The following RGS14 variants were observed in gnomAD, a reference collection of about 807,000 sequenced individuals.
The protein encoded by RGS14 is regulator of G protein signaling 14.
Under a neutral mutation model 63.8 loss-of-function variants are expected in RGS14, and 33 were observed. That is an observed-to-expected ratio of 0.52 (90% confidence interval 0.39 to 0.69). The LOEUF is 0.69. RGS14 is among the 30% of genes least tolerant of loss of function. RGS14 has a pLI of 0.00. For synonymous variants in RGS14, 296 were observed against 320.9 expected (o/e 0.92, Z 0.83); for missense variants, 739 against 742.9 (o/e 0.99, Z 0.06).
Position 177,364,413 on chromosome 5 carries a change from GCTTCCATTTGGGA to G in RGS14, c.46-1536_46-1524del, listed in dbSNP as rs1323907898. 5.9e-5 allele frequency among the ~76,000 whole-genome samples: 9 copies of G among 152,168 alleles called. No individual in the cohort carries two copies. The highest frequency in any genetic ancestry group is 2.2e-4 in the African/African-American group (9 of 41,430). On this transcript the variant is annotated intron_variant, in intron 1 of 14. Coordinates refer to ENST00000408923, the MANE Select transcript of RGS14 (RefSeq NM_006480.5). The surrounding 1 kb of genome is among the most constrained non-coding windows in gnomAD (Gnocchi z 4.6). ...CTGTGTTTTGGTGGAGGCAGAGGGA[GCTTCCATTTGGGA>G]CTTCCATTTGGGAGCTTGAGGGCTT...
chr5:177,363,816 C>T (rs1762030109), intron 1 of RGS14, among the ~76,000 whole-genome samples: 1 of 152,148 alleles, frequency 6.6e-6, no homozygotes, highest in Non-Finnish European at 1.5e-5. Context: ...GAGCCTGCCT[C>T]CCACTGCCTC....
intron 7 of RGS14, 87 bp from the exon 8 acceptor site, chr5:177,368,070 A>C (rs555180386): frequency 6.5e-7 from 1 of 1,545,538 alleles, no homozygotes; most frequent in South Asian, 1.2e-5. Flanking sequence ...GATGGCTCCA[A>C]ACAAGGCCCA....
In RGS14 at chr5:177,358,708, C is replaced by T. The variant is rs577947864; in HGVS notation, c.45+639C>T. Among the ~76,000 whole-genome samples, 208 of 152,350 alleles carry T rather than the reference C, an allele frequency of 1.4e-3. 2 individuals are homozygous for T. Among genetic ancestry groups the T allele is most frequent in the African/African-American group, 4.8e-3 (200 of 41,578 alleles). On this transcript the variant is annotated intron_variant, in intron 1 of 14. Coordinates refer to ENST00000408923, the MANE Select transcript of RGS14 (RefSeq NM_006480.5). The surrounding 1 kb of genome is among the most constrained non-coding windows in gnomAD (Gnocchi z 4.8). ...CTTAACCCTCTCCCTGGCTGCTTAG[C>T]CCCAGATCAGAGCTGCCCTCAGAGG...
At chr5:177,368,659 C>T in intron 8 of RGS14, 58 bp from the exon 9 acceptor site, 2 of 1,549,932 alleles carry the variant, frequency 1.3e-6, no homozygotes, top group Non-Finnish European at 1.8e-6. Flanking sequence ...CTCTGTGTAC[C>T]TGTGTGCATG....
intron 3 of RGS14, 149 bp from the exon 4 acceptor site, chr5:177,366,559 G>C: frequency 1.2e-6 from 1 of 835,178 alleles, no homozygotes; most frequent in Non-Finnish European, 1.9e-6. Flanking sequence ...CCTGTCTTCA[G>C]ATCGGTCTGG....
chr5:177,367,481 T>C lies in RGS14; in HGVS notation c.551T>C (p.Leu184Pro). 6.2e-7 allele frequency: 1 copy of C among 1,612,842 alleles called. No individual in the cohort carries two copies. ...FVKSPLYREC[L>P]LAEAEGRPLR... ...AAGTCCCCGCTGTACCGCGAGTGCC[T>C]GCTAGCCGAAGCCGAGGGACGCCCT... Residue 184 changes from leucine (L) to proline (P), a missense_variant, in exon 6 of 15, where the codon CTG (leucine) becomes CCG (proline). By Grantham distance (98) the Leu-to-Pro change is moderately conservative. Coordinates refer to ENST00000408923, the MANE Select transcript of RGS14 (RefSeq NM_006480.5).
chr5:177,366,357 T>C lies in RGS14; in HGVS notation c.246+2T>C, dbSNP rs1762092886. The C allele has an allele frequency of 1.9e-6, 3 of 1,541,422 alleles. No individual in the cohort carries two copies. The highest frequency in any genetic ancestry group is 1.4e-5 in the African/African-American group (1 of 72,824). ...CCGCTGGGCCTGGCTTACTTCACTG[T>C]AAGCCTGGGGTAGGGAAAGGGAAGG... On this transcript the variant is annotated splice_donor_variant, in intron 3 of 14. Transcript: ENST00000408923. LOFTEE classifies it high-confidence loss of function.
In RGS14 at chr5:177,359,695, T is replaced by C. The variant is rs976745934; in HGVS notation, c.45+1626T>C. Among the ~76,000 whole-genome samples, 3 of 152,254 alleles carry C rather than the reference T, an allele frequency of 2.0e-5. No homozygotes were observed. The highest frequency in any genetic ancestry group is 7.2e-5 in the African/African-American group (3 of 41,478). ...TCCTGGGCCTGTTCCAAACTCTCTGTGCCACCTCTTAGAATCCCGAGGGTC... is the reference window on the plus strand; with the variant it reads ...TCCTGGGCCTGTTCCAAACTCTCTGCGCCACCTCTTAGAATCCCGAGGGTC... On this transcript the variant is annotated intron_variant, in intron 1 of 14. Coordinates refer to ENST00000408923, the MANE Select transcript of RGS14 (RefSeq NM_006480.5). This position sits in a 1 kb window ranked among gnomAD's most constrained non-coding sequence, Gnocchi z 4.4.
At chr5:177,363,092 C>G (rs1481974236) in intron 1 of RGS14, among the ~76,000 whole-genome samples, 1 of 152,092 alleles carries the variant, frequency 6.6e-6, no homozygotes, top group Non-Finnish European at 1.5e-5. Flanking sequence ...CGTGGCGGTG[C>G]AGCCGGGGGA....
At position 177,358,342 on chromosome 5, in the gene RGS14, A is replaced by G. The variant is rs1761872511; in HGVS notation, c.45+273A>G. On this transcript the variant is annotated intron_variant, in intron 1 of 14. Coordinates refer to ENST00000408923, the MANE Select transcript of RGS14 (RefSeq NM_006480.5). This position sits in a 1 kb window ranked among gnomAD's most constrained non-coding sequence, Gnocchi z 4.8. Reference sequence around the variant, plus strand: ...CCCCCACCACTCCCTCACCTGCTGCATCTGGGGCTGCATCCCAGGGTCTCA... The same window carrying G: ...CCCCCACCACTCCCTCACCTGCTGCGTCTGGGGCTGCATCCCAGGGTCTCA... Among the ~76,000 whole-genome samples, 1 of 152,184 alleles carries G rather than the reference A, an allele frequency of 6.6e-6. No individual in the cohort carries two copies. Among genetic ancestry groups the G allele is most frequent in the Non-Finnish European group, 1.5e-5 (1 of 68,022 alleles).
In RGS14 at chr5:177,367,464, G is replaced by C. The variant is rs1478329570; in HGVS notation, c.534G>C (p.Pro178=). ...GCTATGCGCGCTTCGTCAAGTCCCCGCTGTACCGCGAGTGCCTGCTAGCCG... is the reference window on the plus strand; with the variant it reads ...GCTATGCGCGCTTCGTCAAGTCCCCCCTGTACCGCGAGTGCCTGCTAGCCG... ...FDSYARFVKS[P]LYRECLLAEA... is the part of the protein sequence containing the mutation. The change falls in exon 6 of 15, where the codon CCG becomes CCC. Residue 178 remains proline, a synonymous_variant. Transcript: ENST00000408923. 39 of 1,612,370 alleles carry C rather than the reference G, an allele frequency of 2.4e-5. No homozygotes were observed. Among genetic ancestry groups the C allele is most frequent in the Non-Finnish European group, 2.9e-5 (34 of 1,179,348 alleles).
Position 177,359,065 on chromosome 5 carries a change from C to T in RGS14, c.45+996C>T, listed in dbSNP as rs1304202606. On this transcript the variant is annotated intron_variant, in intron 1 of 14. Coordinates refer to ENST00000408923, the MANE Select transcript of RGS14 (RefSeq NM_006480.5). This position sits in a 1 kb window ranked among gnomAD's most constrained non-coding sequence, Gnocchi z 4.4. The stretch of plus-strand genomic sequence containing the variant: ...AATAATGCATATGAGGCCTTTGACC[C>T]ATTGTGGGGGCTGCATAATTGTCAG... Among the ~76,000 whole-genome samples, 1 of 152,174 alleles carries T rather than the reference C, an allele frequency of 6.6e-6. No homozygotes were observed. The highest frequency in any genetic ancestry group is 1.9e-4 in the East Asian group (1 of 5,190).
intron 1 of RGS14, among the ~76,000 whole-genome samples, chr5:177,360,541 T>C (rs1761938969): frequency 7.9e-6 from 1 of 125,908 alleles, no homozygotes; most frequent in Non-Finnish European, 1.6e-5. Flanking sequence ...CACTGCAGTC[T>C]GGGTGAAAGA....
chr5:177,366,147 G>T (rs1388839767), intron 2 of RGS14, 30 bp from the exon 3 acceptor site: 1 of 1,601,070 alleles, frequency 6.2e-7, no homozygotes, highest in East Asian at 2.2e-5. Context: ...AGGCAGCAAG[G>T]CTCACCCCAA....
chr5:177,370,758 G>A, intron 10 of RGS14, 94 bp downstream of exon 10: 1 of 1,496,710 alleles, frequency 6.7e-7, no homozygotes, highest in Non-Finnish European at 9.1e-7. Context: ...CGCCCCTCGT[G>A]CTAGCCCCGC....
chr5:177,370,841 T>C, intron 10 of RGS14, 64 bp from the exon 11 acceptor site: 8 of 1,587,972 alleles, frequency 5.0e-6, no homozygotes, highest in Non-Finnish European at 6.8e-6. Flanking sequence ...CTCGCGTTTG[T>C]CCTGGGAAGG....
Position 177,358,092 on chromosome 5 carries a change from G to A in RGS14, c.45+23G>A, listed in dbSNP as rs1339263350. ...ATGGTGAGTGTGGGCTCCGGGCCAGGGCCACGAGGAGGGGGTGGGCACACC... is the reference window on the plus strand; with the variant it reads ...ATGGTGAGTGTGGGCTCCGGGCCAGAGCCACGAGGAGGGGGTGGGCACACC... On this transcript the variant is annotated intron_variant, in intron 1 of 14. Coordinates refer to ENST00000408923, the MANE Select transcript of RGS14 (RefSeq NM_006480.5). This position sits in a 1 kb window ranked among gnomAD's most constrained non-coding sequence, Gnocchi z 4.8. 15 of 1,339,850 alleles carry A rather than the reference G, an allele frequency of 1.1e-5. No individual in the cohort carries two copies. Among genetic ancestry groups the A allele is most frequent in the Non-Finnish European group, 1.4e-5 (14 of 1,035,884 alleles). The allele number at this position is 1,339,850 out of a possible 1,614,324, so 83.0% of individuals were successfully genotyped here. A position where few individuals can be genotyped will look rare whatever the true frequency, so the allele number is the denominator to read the frequency against.
intron 10 of RGS14, 46 bp from the exon 11 acceptor site, chr5:177,370,858 CG>C (rs748948617): frequency 3.3e-6 from 5 of 1,532,858 alleles, no homozygotes; most frequent in South Asian, 1.3e-5. Context: ...AAGGGTTTGG[CG>C]GGGGGCCGGC....
chr5:177,370,591 G>A lies in RGS14; in HGVS notation c.1054G>A (p.Ala352Thr), dbSNP rs370944655. The change falls in exon 10 of 15, where the codon GCC (alanine) becomes ACC (threonine). Residue 352 changes from alanine (A) to threonine (T), a missense_variant and splice_region_variant. Ala to Thr is a moderately conservative substitution (Grantham distance 58). Coordinates refer to ENST00000408923, the MANE Select transcript of RGS14 (RefSeq NM_006480.5). ...AGACCCTGCCTGGCATCCACAGAAG[G>A]CCCTGGTCCTGGATCAGGACTGCAC... is the stretch of plus-strand genomic sequence containing the variant. ...IKVYLVGNEQ[A>T]LVLDQDCTVL... 1.2e-6 allele frequency: 2 copies of A among 1,613,854 alleles called. No homozygotes were observed. Among genetic ancestry groups the A allele is most frequent in the African/African-American group, 1.3e-5 (1 of 74,932 alleles).
Sources: gnomAD v4.1 joint callset for allele counts (sites outside exome capture counted in the v4.1 genomes callset) on GRCh38, gnomAD v4.1.1 for gene constraint, Gnocchi (gnomAD v3.1) non-coding constraint, MANE v1.5 for transcripts, NCBI Gene and HGNC (gene_info 2026-07-23, HGNC 2026-07-21) for gene names.